The following CCDC150 variants were observed in gnomAD, a reference collection of about 807,000 sequenced individuals.
The protein encoded by CCDC150 is coiled-coil domain-containing protein 150.
Under a neutral mutation model 156.5 loss-of-function variants are expected in CCDC150, and 151 were observed. The ratio of observed to expected loss-of-function variants is 0.97; its 90% confidence interval spans 0.85 to 1.10. The LOEUF is 1.10. Among genes scored for constraint, CCDC150 ranks in the 50% least tolerant of loss-of-function variants. The probability of loss-of-function intolerance (pLI) is 0.00; values close to 1 mark genes in which losing one functional copy is unlikely to be tolerated. For missense variants in CCDC150, 1,312 were observed against 1,268.1 expected, an observed-to-expected ratio of 1.03 and a Z score of -0.53; for synonymous variants, 452 against 429.4, an observed-to-expected ratio of 1.05 and a Z score of -0.65.
intron 2 of CCDC150, among the ~76,000 whole-genome samples, chr2:196,653,988 G>T (rs1236103615): frequency 6.6e-6 from 1 of 152,188 alleles, no homozygotes; most frequent in Non-Finnish European, 1.5e-5. Flanking sequence ...AGAAGAAGAA[G>T]TGAGAGAGGA....
intron 10 of CCDC150, 63 bp from the exon 11 acceptor site, chr2:196,676,080 A>C (rs577333461): frequency 6.5e-7 from 1 of 1,546,738 alleles, no homozygotes; most frequent in African/African-American, 1.4e-5. Context: ...CAGTTACTCC[A>C]AATGACACCC....
chr2:196,667,137 G>A, intron 7 of CCDC150: 12 of 395,382 alleles, frequency 3.0e-5, no homozygotes, highest in Non-Finnish European at 4.2e-5. Flanking sequence ...TTGAATATTG[G>A]GCAAAAAAAG....
At chr2:196,676,866 T>C (rs2125617139) in intron 12 of CCDC150, 135 bp downstream of exon 12, 1 of 753,096 alleles carries the variant, frequency 1.3e-6, no homozygotes, top group Non-Finnish European at 2.2e-6. Flanking sequence ...AAAGAATCTT[T>C]AGGTGGCTAA....
chr2:196,682,697 G>A lies in CCDC150; in HGVS notation c.1509+5336G>A, dbSNP rs76569389. ...TCCTTGAATAACATCATTTCATTCAGTGTTGTGTTATGATGTTGATAAGAA... is the reference window on the plus strand; with the variant it reads ...TCCTTGAATAACATCATTTCATTCAATGTTGTGTTATGATGTTGATAAGAA... On this transcript the variant is annotated intron_variant, in intron 13 of 27. Coordinates refer to ENST00000389175, the MANE Select transcript of CCDC150 (RefSeq NM_001080539.2). 5.1e-4 allele frequency among the ~76,000 whole-genome samples: 78 copies of A among 152,106 alleles called. 1 individual carries two copies. In the East Asian group the frequency reaches 0.014, roughly 27 times the overall value.
Position 196,712,673 on chromosome 2 carries a change from A to G in CCDC150, c.1804-4A>G, listed in dbSNP as rs1265281536. 1.2e-6 allele frequency: 2 copies of G among 1,606,430 alleles called. No individual in the cohort carries two copies. Among genetic ancestry groups the G allele is most frequent in the Admixed American group, 1.7e-5 (1 of 59,030 alleles). On this transcript the variant is annotated splice_region_variant and splice_polypyrimidine_tract_variant and intron_variant, in intron 16 of 27. Coordinates refer to ENST00000389175, the MANE Select transcript of CCDC150 (RefSeq NM_001080539.2). ...AACAAGTATCTTTGTTTTTTGAATTAAAGGCAAACTCAGAACTCAGTGCCA... is the reference window on the plus strand; with the variant it reads ...AACAAGTATCTTTGTTTTTTGAATTGAAGGCAAACTCAGAACTCAGTGCCA...
chr2:196,663,298 GATAAGT>G (rs1435440278), intron 5 of CCDC150, among the ~76,000 whole-genome samples: 1 of 152,090 alleles, frequency 6.6e-6, no homozygotes, highest in African/African-American at 2.4e-5. Context: ...ATGGACAAAA[GATAAGT>G]ATGACAGTTT....
In CCDC150 at chr2:196,732,600, C is replaced by T; in HGVS notation, c.*38C>T. The T allele has an allele frequency of 7.4e-7, 1 of 1,353,174 alleles. No individual in the cohort carries two copies. Among genetic ancestry groups the T allele is most frequent in the South Asian group, 1.2e-5 (1 of 85,642 alleles). The allele number at this position is 1,353,174 out of a possible 1,614,324, so 83.8% of individuals were successfully genotyped here. On this transcript the variant is annotated 3_prime_UTR_variant, in exon 28 of 28. Coordinates refer to ENST00000389175, the MANE Select transcript of CCDC150 (RefSeq NM_001080539.2). Reference sequence around the variant, plus strand: ...GGGAGCTTCTTTATGTGTAGCTACACTCCATGATTCCAAGAGCCCAGCAGC... The same window carrying T: ...GGGAGCTTCTTTATGTGTAGCTACATTCCATGATTCCAAGAGCCCAGCAGC...
chr2:196,642,362 A>G (rs541627673), intron 1 of CCDC150, among the ~76,000 whole-genome samples: 2 of 152,256 alleles, frequency 1.3e-5, no homozygotes, highest in Admixed American at 1.3e-4. Context: ...GTGTGCGTGT[A>G]TTTATGTATG....
chr2:196,712,555 A>G, intron 16 of CCDC150, 122 bp from the exon 17 acceptor site: 1 of 656,650 alleles, frequency 1.5e-6, no homozygotes, highest in Non-Finnish European at 2.7e-6. Flanking sequence ...AGATTGTATT[A>G]CTGAACATTC....
At position 196,730,036 on chromosome 2, in the gene CCDC150, A is replaced by C; in HGVS notation, c.2900A>C (p.Asp967Ala). 6.2e-7 allele frequency: 1 copy of C among 1,613,844 alleles called. No homozygotes were observed. ...EMQMLAKSQY[D>A]ASVRNKQQEL... is the part of the protein sequence containing the mutation. ...CAGATGTTGGCTAAGAGCCAATATGATGCCTCAGTGCGGAATAAACAGCAA... is the reference window on the plus strand; with the variant it reads ...CAGATGTTGGCTAAGAGCCAATATGCTGCCTCAGTGCGGAATAAACAGCAA... Residue 967 changes from aspartate to alanine, a missense_variant, in exon 25 of 28, where the codon GAT becomes GCT. Asp to Ala is a moderately radical substitution (Grantham distance 126, BLOSUM62 -2). Coordinates refer to ENST00000389175, the MANE Select transcript of CCDC150 (RefSeq NM_001080539.2).
intron 23 of CCDC150, 135 bp from the exon 24 acceptor site, chr2:196,729,658 G>C (rs1698419899): frequency 1.4e-6 from 1 of 706,834 alleles, no homozygotes. Flanking sequence ...CAGTGGGCTA[G>C]ATGGGAAAGA....
chr2:196,677,922 A>C (rs553794756), intron 13 of CCDC150, among the ~76,000 whole-genome samples: 2 of 152,168 alleles, frequency 1.3e-5, no homozygotes, highest in African/African-American at 4.8e-5. Flanking sequence ...CCCAGGAGGC[A>C]GAGGTTGCAG....
At chr2:196,705,491 G>C (rs1377165145) in intron 15 of CCDC150, among the ~76,000 whole-genome samples, 3 of 152,186 alleles carry the variant, frequency 2.0e-5, no homozygotes, top group African/African-American at 7.2e-5. Flanking sequence ...CTCCCATTCT[G>C]TAGGTTGCCT....
At chr2:196,685,782 T>C (rs1695091502) in intron 13 of CCDC150, among the ~76,000 whole-genome samples, 1 of 152,002 alleles carries the variant, frequency 6.6e-6, no homozygotes, top group South Asian at 2.1e-4. Context: ...TGGCTAATTT[T>C]TTTTGTATTT....
At chr2:196,647,740 T>C (rs1692630887) in intron 2 of CCDC150, among the ~76,000 whole-genome samples, 1 of 152,234 alleles carries the variant, frequency 6.6e-6, no homozygotes, top group Admixed American at 6.5e-5. Context: ...CCTCACATAC[T>C]TATTTCCTTG....
At chr2:196,658,137 A>T (rs1027849501) in intron 4 of CCDC150, among the ~76,000 whole-genome samples, 1 of 152,190 alleles carries the variant, frequency 6.6e-6, no homozygotes, top group Admixed American at 6.5e-5. Flanking sequence ...TATTGAAAAT[A>T]GGGAGAGAAA....
In CCDC150 at chr2:196,701,132, A is replaced by T; in HGVS notation, c.1647A>T (p.Lys549Asn). The change falls in exon 15 of 28, where the codon AAA (lysine) becomes AAT (asparagine). Residue 549 changes from lysine to asparagine, a missense_variant. Physicochemically the swap from Lys to Asn is moderately conservative, Grantham distance 94 (BLOSUM62 0). Coordinates refer to ENST00000389175, the MANE Select transcript of CCDC150 (RefSeq NM_001080539.2). The stretch of plus-strand genomic sequence containing the variant: ...AGCTTGCCCAACAGAAGGTGGAAAA[A>T]ATCACTGAAAGTAAAAATAAACTGG... ...YHGLAQQKVE[K>N]ITESKNKLAY... 6.2e-7 allele frequency: 1 copy of T among 1,609,994 alleles called. No individual in the cohort carries two copies.
At chr2:196,674,441 C>T in intron 10 of CCDC150, 93 bp downstream of exon 10, 1 of 705,984 alleles carries the variant, frequency 1.4e-6, no homozygotes, top group Non-Finnish European at 2.3e-6. Context: ...AATATTTTAA[C>T]AATAAATTTC....
intron 8 of CCDC150, 84 bp downstream of exon 8, chr2:196,669,960 GCTT>G (rs1411612064): frequency 2.4e-5 from 23 of 962,640 alleles, no homozygotes; most frequent in African/African-American, 2.0e-4. Flanking sequence ...GGCTTACAGT[GCTT>G]CTTACTCTCA....
Sources: gnomAD v4.1 joint callset for allele counts (sites outside exome capture counted in the v4.1 genomes callset) on GRCh38, gnomAD v4.1.1 for gene constraint, MANE v1.5 for transcripts, NCBI Gene and HGNC (gene_info 2026-07-23, HGNC 2026-07-21) for gene names.